Variants in TRPM1 observed in about 807,000 individuals in gnomAD.
The protein encoded by TRPM1 is transient receptor potential cation channel subfamily M member 1.
Under a neutral mutation model 149.4 loss-of-function variants are expected in TRPM1, and 113 were observed. That is an observed-to-expected ratio of 0.76 (90% confidence interval 0.65 to 0.88). TRPM1 has a LOEUF of 0.88. Among genes scored for constraint, TRPM1 ranks in the 40% least tolerant of loss-of-function variants. The probability of loss-of-function intolerance (pLI) is 0.00; values close to 1 mark genes in which losing one functional copy is unlikely to be tolerated. For synonymous variants in TRPM1, 741 were observed against 759.5 expected (o/e 0.98, Z 0.40); for missense variants, 1,976 against 2,038.7 (o/e 0.97, Z 0.59).
In TRPM1 at chr15:31,001,674, T is replaced by C; in HGVS notation, c.*148A>G. On this transcript the variant is annotated 3_prime_UTR_variant, in exon 28 of 28. Coordinates refer to ENST00000256552, the MANE Select transcript of TRPM1 (RefSeq NM_001252024.2). ...CTAACATATGCTAACAAAATACTAC[T>C]TTTAGTGCATTAAATTGTAAATCAA... 1.3e-6 allele frequency: 1 copy of C among 771,582 alleles called. No individual in the cohort carries two copies. Among genetic ancestry groups the C allele is most frequent in the Non-Finnish European group, 2.0e-6 (1 of 488,660 alleles). The allele number at this position is 771,582 out of a possible 1,614,324, so 47.8% of individuals were successfully genotyped here.
intron 27 of TRPM1, 97 bp downstream of exon 27, chr15:31,026,042 T>G (rs1448412240): frequency 1.8e-5 from 27 of 1,524,412 alleles, no homozygotes; most frequent in Admixed American, 1.2e-4. Flanking sequence ...GAACTCGGAG[T>G]GCATGTTTAA....
rs192759729 is a variant in TRPM1 at position 31,070,416 on chromosome 15, C to A, written c.84-190G>T. 1.5e-4 allele frequency: 105 copies of A among 711,548 alleles called. No homozygotes were observed. In the Admixed American group the frequency reaches 2.1e-3, roughly 14 times the overall value. The allele number at this position is 711,548 out of a possible 1,614,324, so 44.1% of individuals were successfully genotyped here. On this transcript the variant is annotated intron_variant, in intron 3 of 27. Coordinates refer to ENST00000256552, the MANE Select transcript of TRPM1 (RefSeq NM_001252024.2). ...TTTTCCAGATAATCAGTGCACATCT[C>A]TTTATATGCCAGTCGATTTTAGACA...
intron 1 of TRPM1, among the ~76,000 whole-genome samples, chr15:31,113,805 G>A (rs1043561108): frequency 2.0e-5 from 3 of 152,268 alleles, no homozygotes; most frequent in Admixed American, 6.5e-5. Context: ...CCCACAGTTA[G>A]CAACAGCAAG....
chr15:31,071,762 G>A (rs1199479391), intron 3 of TRPM1, among the ~76,000 whole-genome samples: 7 of 151,640 alleles, frequency 4.6e-5, no homozygotes, highest in African/African-American at 7.3e-5. Context: ...TCAGGAGTCC[G>A]AGACCAGCCT....
At chr15:31,082,049 C>G (rs1355178554) in intron 1 of TRPM1, among the ~76,000 whole-genome samples, 1 of 152,184 alleles carries the variant, frequency 6.6e-6, no homozygotes, top group Non-Finnish European at 1.5e-5. Flanking sequence ...ACCCTGACTC[C>G]TTACAGATTG....
intron 16 of TRPM1, 72 bp from the exon 17 acceptor site, chr15:31,042,315 G>C: frequency 6.7e-7 from 1 of 1,496,522 alleles, no homozygotes; most frequent in Non-Finnish European, 9.0e-7. Context: ...AACTCCTGGA[G>C]AAAGGGAACC....
intron 27 of TRPM1, among the ~76,000 whole-genome samples, chr15:31,014,281 A>C (rs1166058139): frequency 1.3e-5 from 2 of 151,968 alleles, no homozygotes; most frequent in Non-Finnish European, 2.9e-5. Flanking sequence ...ACCCCTTCTA[A>C]CTAGAAGCTT....
intron 22 of TRPM1, chr15:31,031,394 GCTT>G: frequency 1.7e-6 from 1 of 582,078 alleles, no homozygotes; most frequent in Non-Finnish European, 3.1e-6. Context: ...CATCCTTCTT[GCTT>G]CTTCTCTGTT....
intron 24 of TRPM1, among the ~76,000 whole-genome samples, chr15:31,028,721 C>T (rs1452310240): frequency 1.3e-5 from 2 of 151,698 alleles, no homozygotes; most frequent in Admixed American, 6.6e-5. Flanking sequence ...CACTGTACTC[C>T]AGCCTGGGTG....
At chr15:31,091,799 T>A (rs989514477) in intron 1 of TRPM1, among the ~76,000 whole-genome samples, 2 of 152,164 alleles carry the variant, frequency 1.3e-5, no homozygotes. Context: ...ATCTCACAAC[T>A]CAGCTTGTAA....
chr15:31,060,116 C>G (rs1213158467), intron 11 of TRPM1: 1 of 327,994 alleles, frequency 3.0e-6, no homozygotes, highest in East Asian at 8.2e-5. Context: ...CCTATACACA[C>G]ATACAGACAC....
intron 1 of TRPM1, among the ~76,000 whole-genome samples, chr15:31,113,796 C>T (rs1356849712): frequency 6.6e-6 from 1 of 152,078 alleles, no homozygotes; most frequent in Non-Finnish European, 1.5e-5. Context: ...TGGCAAGGAC[C>T]CACAGTTAGC....
intron 3 of TRPM1, among the ~76,000 whole-genome samples, chr15:31,072,012 T>TAG (rs1267389114): frequency 0.011 from 318 of 28,472 alleles, no homozygotes; most frequent in Non-Finnish European, 0.014. Context: ...TATATATATA[T>TAG]ATATATAGAG....
intron 8 of TRPM1, 84 bp downstream of exon 8, chr15:31,063,033 CT>C: frequency 6.4e-7 from 1 of 1,556,624 alleles, no homozygotes. Context: ...TTTGGAATGT[CT>C]AAGCAGACCA....
intron 27 of TRPM1, among the ~76,000 whole-genome samples, chr15:31,020,214 T>G (rs1242591417): frequency 6.6e-6 from 1 of 152,246 alleles, no homozygotes; most frequent in Non-Finnish European, 1.5e-5. Flanking sequence ...TAATAACCTA[T>G]GTTCTTTCTC....
At chr15:31,140,473 C>A (rs766283438) in intron 1 of TRPM1, among the ~76,000 whole-genome samples, 1 of 152,082 alleles carries the variant, frequency 6.6e-6, no homozygotes, top group Non-Finnish European at 1.5e-5. Flanking sequence ...GGGGTGGGAC[C>A]CCTCATGAAT....
At chr15:31,020,676 G>C (rs935461905) in intron 27 of TRPM1, among the ~76,000 whole-genome samples, 12 of 152,176 alleles carry the variant, frequency 7.9e-5, no homozygotes, top group Non-Finnish European at 1.8e-4. Flanking sequence ...CTTTGCCCAT[G>C]CCTAGTTTTT....
intron 1 of TRPM1, among the ~76,000 whole-genome samples, chr15:31,113,431 A>AT (rs1491391645): frequency 1.1e-5 from 1 of 89,358 alleles, no homozygotes; most frequent in African/African-American, 4.0e-5. Flanking sequence ...CAGCTCTGAC[A>AT]GTTTTTTTTT....
At chr15:31,016,371 A>T (rs2140884500) in intron 27 of TRPM1, among the ~76,000 whole-genome samples, 1 of 152,330 alleles carries the variant, frequency 6.6e-6, no homozygotes, top group Non-Finnish European at 1.5e-5. Context: ...ACACATGGTG[A>T]CACTGATTTC....
Sources: gnomAD v4.1 joint callset for allele counts (sites outside exome capture counted in the v4.1 genomes callset) on GRCh38, gnomAD v4.1.1 for gene constraint, MANE v1.5 for transcripts, NCBI Gene and HGNC (gene_info 2026-07-23, HGNC 2026-07-21) for gene names.